The following PRKN variants were observed in gnomAD, a reference collection of about 807,000 sequenced individuals.
PRKN encodes E3 ubiquitin-protein ligase parkin.
In PRKN, 56 loss-of-function variants were observed where a neutral mutation model predicts 59.5. The ratio of observed to expected loss-of-function variants is 0.94; its 90% CI spans 0.76 to 1.18. PRKN has a LOEUF of 1.18. PRKN is among the 50% of genes most tolerant of loss of function. PRKN has a pLI of 0.00. For missense variants in PRKN, 657 were observed against 596.4 expected, an observed-to-expected ratio of 1.10 and a Z score of -1.06; for synonymous variants, 250 against 222.1, an observed-to-expected ratio of 1.13 and a Z score of -1.12.
At chr6:161,967,407 G>A (rs1222606577) in intron 6 of PRKN, among the ~76,000 whole-genome samples, 1 of 152,108 alleles carries the variant, frequency 6.6e-6, no homozygotes, top group Non-Finnish European at 1.5e-5. Context: ...CCCTCCTGCA[G>A]TCCTTAGAAC....
intron 7 of PRKN, among the ~76,000 whole-genome samples, chr6:161,596,797 C>A (rs1044656000): frequency 3.3e-5 from 5 of 152,188 alleles, no homozygotes; most frequent in Non-Finnish European, 7.3e-5. Flanking sequence ...CAACTCCTAT[C>A]TTTGCCTACA....
intron 3 of PRKN, among the ~76,000 whole-genome samples, chr6:162,221,584 C>A (rs1264830217): frequency 6.6e-6 from 1 of 152,158 alleles, no homozygotes; most frequent in East Asian, 1.9e-4. Flanking sequence ...GGCTCAACTG[C>A]TCCAAAATCG....
intron 1 of PRKN, among the ~76,000 whole-genome samples, chr6:162,712,075 C>T (rs1461800134): frequency 6.6e-6 from 1 of 152,144 alleles, no homozygotes; most frequent in Non-Finnish European, 1.5e-5. Flanking sequence ...GACAAGTTGA[C>T]TAGTTTGGTT....
Position 161,350,084 on chromosome 6 carries a change from G to T in PRKN, c.*15C>A, listed in dbSNP as rs35125035. The T allele has an allele frequency of 8.2e-4, 1,281 of 1,566,314 alleles. 20 individuals are homozygous for T. The East Asian group carries it at 0.022, about 27-fold the overall frequency. On this transcript the variant is annotated 3_prime_UTR_variant, in exon 12 of 12. Coordinates refer to ENST00000366898, the MANE Select transcript of PRKN (RefSeq NM_004562.3). The stretch of plus-strand genomic sequence containing the variant: ...CTCCCCCAGGATGTGGCGATGGGGC[G>T]CCCGGCCGCCCTGGCTACACGTCGA...
In PRKN at chr6:161,525,789, TA is replaced by T. The variant is rs1415591985; in HGVS notation, c.1083+23064del. 6.6e-6 allele frequency among the ~76,000 whole-genome samples: 1 copy of T among 152,172 alleles called. No homozygotes were observed. Among genetic ancestry groups the T allele is most frequent in the African/African-American group, 2.4e-5 (1 of 41,458 alleles). ...AAATAGGTGTTCTAATTATAGATGC[TA>T]AAAATGTTCTGTATACTACTTGGCT... On this transcript the variant is annotated intron_variant, in intron 9 of 11. Transcript: ENST00000366898. This position sits in a 1 kb window ranked among gnomAD's most constrained non-coding sequence, Gnocchi z 4.7.
In PRKN at chr6:161,552,067, A is replaced by G. The variant is rs1389668607; in HGVS notation, c.934-3064T>C. On this transcript the variant is annotated intron_variant, in intron 8 of 11. Coordinates refer to ENST00000366898, the MANE Select transcript of PRKN (RefSeq NM_004562.3). This position sits in a 1 kb window ranked among gnomAD's most constrained non-coding sequence, Gnocchi z 4.9. Reference sequence around the variant, plus strand: ...GAAGGGGAGGGCGGAGGAAGTCGGTATCACTGCTGGGCGGCACCCAGGCCC... The same window carrying G: ...GAAGGGGAGGGCGGAGGAAGTCGGTGTCACTGCTGGGCGGCACCCAGGCCC... Among the ~76,000 whole-genome samples, 2 of 152,300 alleles carry G rather than the reference A, an allele frequency of 1.3e-5. No individual in the cohort carries two copies. Among genetic ancestry groups the G allele is most frequent in the East Asian group, 3.9e-4 (2 of 5,174 alleles).
At chr6:162,634,156 T>C (rs2803113) in intron 1 of PRKN, among the ~76,000 whole-genome samples, 80,922 of 151,866 alleles carry the variant, frequency 0.53, 22,352 homozygotes, top group African/African-American at 0.64. Flanking sequence ...CTTTGGCTGT[T>C]CTCCAGGGTT....
At chr6:162,083,800 A>C (rs534939337) in intron 4 of PRKN, among the ~76,000 whole-genome samples, 10 of 152,080 alleles carry the variant, frequency 6.6e-5, no homozygotes, top group Non-Finnish European at 1.5e-4. Context: ...AATGATTTAC[A>C]TTTCAGGTTA....
chr6:161,874,189 T>A lies in PRKN; in HGVS notation c.735-88281A>T, dbSNP rs369471998. On this transcript the variant is annotated intron_variant, in intron 6 of 11. Transcript: ENST00000366898. ...AATATATAATATATATTATATATAA[T>A]ATATAATATATATTATATGTAAAAT... 5.5e-4 allele frequency among the ~76,000 whole-genome samples: 20 copies of A among 36,198 alleles called. 1 individual carries two copies. Among genetic ancestry groups the A allele is most frequent in the African/African-American group, 1.5e-3 (14 of 9,062 alleles). 23.7% of individuals were successfully genotyped at this position (36,198 alleles called of 152,430 possible).
At chr6:161,681,455 T>C (rs77156406) in intron 7 of PRKN, among the ~76,000 whole-genome samples, 1 of 130,062 alleles carries the variant, frequency 7.7e-6, no homozygotes, top group East Asian at 2.1e-4. Flanking sequence ...AAGTAAATCT[T>C]TTTTTTTTTT....
Position 161,548,865 on chromosome 6 carries a change from G to A in PRKN, c.1072C>T (p.Leu358=). ...RKVTCEGGNG[L]GCGFAFCREC... ...TGGGCAGTACTCACCCCACAGCCCA[G>A]GCCATTGCCCCCTTCGCAGGTGACT... Residue 358 remains leucine, a synonymous_variant, in exon 9 of 12, where the codon CTG becomes TTG. Coordinates refer to ENST00000366898, the MANE Select transcript of PRKN (RefSeq NM_004562.3). This position sits in a 1 kb window ranked among gnomAD's most constrained non-coding sequence, Gnocchi z 4.2. 1 of 1,614,194 alleles carries A rather than the reference G, an allele frequency of 6.2e-7. No individual in the cohort carries two copies. The highest frequency in any genetic ancestry group is 8.5e-7 in the Non-Finnish European group (1 of 1,180,018).
At chr6:162,095,732 A>G (rs1779696336) in intron 4 of PRKN, among the ~76,000 whole-genome samples, 1 of 152,166 alleles carries the variant, frequency 6.6e-6, no homozygotes, top group Non-Finnish European at 1.5e-5. Flanking sequence ...ATTCTGGTGC[A>G]GGAATGGTTT....
chr6:161,944,542 T>C (rs938365315), intron 6 of PRKN, among the ~76,000 whole-genome samples: 1 of 152,170 alleles, frequency 6.6e-6, no homozygotes. Flanking sequence ...CCCACTTCTG[T>C]GCTAAGTCCC....
chr6:161,647,029 C>T (rs940282458), intron 7 of PRKN, among the ~76,000 whole-genome samples: 22 of 152,262 alleles, frequency 1.4e-4, no homozygotes, highest in African/African-American at 4.8e-4. Context: ...AAATATGAGA[C>T]ATTGAATGTT....
At chr6:162,565,210 T>C (rs1347038583) in intron 1 of PRKN, among the ~76,000 whole-genome samples, 2 of 151,532 alleles carry the variant, frequency 1.3e-5, no homozygotes, top group Non-Finnish European at 2.9e-5. Context: ...AAAATGATAA[T>C]ATCAAACCAA....
intron 2 of PRKN, among the ~76,000 whole-genome samples, chr6:162,328,956 C>A (rs1410178011): frequency 1.3e-5 from 2 of 152,142 alleles, no homozygotes; most frequent in Non-Finnish European, 2.9e-5. Flanking sequence ...CACATTGCCT[C>A]CAGGTGTTAG....
In PRKN at chr6:161,497,714, G is replaced by A. The variant is rs1347906569; in HGVS notation, c.1083+51140C>T. 6.6e-6 allele frequency among the ~76,000 whole-genome samples: 1 copy of A among 152,006 alleles called. No homozygotes were observed. The highest frequency in any genetic ancestry group is 1.5e-5 in the Non-Finnish European group (1 of 68,020). On this transcript the variant is annotated intron_variant, in intron 9 of 11. Transcript: ENST00000366898. The surrounding 1 kb of genome is among the most constrained non-coding windows in gnomAD (Gnocchi z 4.6). ...TCTAGCTCAATTATCTCTTCCTTTT[G>A]ACAGAATTCACATCAAATGCAAACA...
intron 1 of PRKN, among the ~76,000 whole-genome samples, chr6:162,695,365 T>C (rs1777930087): frequency 6.6e-6 from 1 of 152,118 alleles, no homozygotes; most frequent in South Asian, 2.1e-4. Flanking sequence ...TAAGTATCAT[T>C]AAGAAAATCT....
At chr6:162,126,570 A>G (rs967766699) in intron 4 of PRKN, among the ~76,000 whole-genome samples, 2 of 152,170 alleles carry the variant, frequency 1.3e-5, no homozygotes, top group Non-Finnish European at 2.9e-5. Context: ...ATAAATGTCC[A>G]TTTTTAGCAA....
Sources: gnomAD v4.1 joint callset for allele counts (sites outside exome capture counted in the v4.1 genomes callset) on GRCh38, gnomAD v4.1.1 for gene constraint, Gnocchi (gnomAD v3.1) non-coding constraint, MANE v1.5 for transcripts, NCBI Gene and HGNC (gene_info 2026-07-23, HGNC 2026-07-21) for gene names.